Variants in MAML1 observed in about 807,000 individuals in gnomAD.
MAML1 encodes mastermind like transcriptional coactivator 1.
A neutral mutation model predicts 77.1 loss-of-function variants in MAML1; 14 were observed. The ratio of observed to expected loss-of-function variants is 0.18; its 90% CI spans 0.12 to 0.28. MAML1 has a LOEUF of 0.28. MAML1 is among the 10% of genes least tolerant of loss of function. The pLI is 1.00. For missense variants in MAML1, 1,217 were observed against 1,327.8 expected (o/e 0.92, Z 1.30); for synonymous variants, 516 against 551.9 (o/e 0.93, Z 0.91).
intron 1 of MAML1, among the ~76,000 whole-genome samples, chr5:179,752,733 A>T (rs937440970): frequency 6.8e-6 from 1 of 147,608 alleles, no homozygotes; most frequent in African/African-American, 2.5e-5. Context: ...CAGCCTCTGG[A>T]TATTACTCTT....
intron 1 of MAML1, among the ~76,000 whole-genome samples, chr5:179,757,923 G>A (rs1310262369): frequency 6.6e-6 from 1 of 152,068 alleles, no homozygotes; most frequent in African/African-American, 2.4e-5. Context: ...ACTTTCCATC[G>A]AAAAAGGTGA....
Position 179,776,581 on chromosome 5 carries a change from C to G in MAML1, c.*1704C>G. 1 of 985,608 alleles carries G rather than the reference C, an allele frequency of 1.0e-6. No individual in the cohort carries two copies. The allele number at this position is 985,608 out of a possible 1,614,324, so 61.1% of individuals were successfully genotyped here. On this transcript the variant is annotated 3_prime_UTR_variant, in exon 5 of 5. Transcript: ENST00000292599. ...ATCATAAAGCCAGTGAAAATTTCAC[C>G]CTCTGAGGGAGTTCCCCAATCTGAA...
chr5:179,775,934 A>C lies in MAML1; in HGVS notation c.*1057A>C, dbSNP rs751117462. 5.1e-4 allele frequency: 502 copies of C among 985,618 alleles called. No individual in the cohort carries two copies. Among genetic ancestry groups the C allele is most frequent in the Non-Finnish European group, 5.7e-4 (474 of 829,944 alleles). 61.1% of individuals were successfully genotyped at this position (985,618 alleles called of 1,614,324 possible). A position where few individuals can be genotyped will look rare whatever the true frequency, so the allele number is the denominator to read the frequency against. ...TAAAGGTTTTGGGGAAGGAGGCCGT[A>C]GGCCGGCCCGGAGGAAGCAATTCCA... On this transcript the variant is annotated 3_prime_UTR_variant, in exon 5 of 5. Transcript: ENST00000292599.
chr5:179,768,414 G>T (rs1473349196), intron 2 of MAML1, among the ~76,000 whole-genome samples: 1 of 152,202 alleles, frequency 6.6e-6, no homozygotes, highest in Non-Finnish European at 1.5e-5. Flanking sequence ...CCAAGATCGT[G>T]CCATTGCACT....
intron 1 of MAML1, among the ~76,000 whole-genome samples, chr5:179,747,743 G>A (rs1447404166): frequency 3.1e-5 from 4 of 130,066 alleles, no homozygotes; most frequent in African/African-American, 5.7e-5. Context: ...CCCGGGAGGC[G>A]GAGCCTGCAG....
chr5:179,740,192 C>G (rs1027470375), intron 1 of MAML1, among the ~76,000 whole-genome samples: 1 of 152,158 alleles, frequency 6.6e-6, no homozygotes, highest in African/African-American at 2.4e-5. Context: ...GAACAGAAAG[C>G]AGGCCAGTGT....
rs1413829401 is a variant in MAML1, at chr5:179,776,841, T to A, written c.*1964T>A. On this transcript the variant is annotated 3_prime_UTR_variant, in exon 5 of 5. Transcript: ENST00000292599. ...GATTCTTGGGGTCCCCCCAGGGAGCTGCCCATGGCTTTATTTATGAACCTG... is the reference window on the plus strand; with the variant it reads ...GATTCTTGGGGTCCCCCCAGGGAGCAGCCCATGGCTTTATTTATGAACCTG... 1.9e-5 allele frequency: 19 copies of A among 985,844 alleles called. No homozygotes were observed. In the South Asian group the frequency reaches 5.2e-4, roughly 27 times the overall value. The allele number at this position is 985,844 out of a possible 1,614,324, so 61.1% of individuals were successfully genotyped here. A position where few individuals can be genotyped will look rare whatever the true frequency, so the allele number is the denominator to read the frequency against.
At position 179,775,673 on chromosome 5, in the gene MAML1, T is replaced by C. The variant is rs922699254; in HGVS notation, c.*796T>C. ...CCAGGCTACATATGGAAGGTAGAGA[T>C]GTGGGGGTCCTGTATCCTGGAGTAT... On this transcript the variant is annotated 3_prime_UTR_variant, in exon 5 of 5. Transcript: ENST00000292599. The C allele has an allele frequency of 2.5e-5, 25 of 985,450 alleles. No homozygotes were observed. The highest frequency in any genetic ancestry group is 2.9e-5 in the Non-Finnish European group (24 of 829,942). 61.0% of individuals were successfully genotyped at this position (985,450 alleles called of 1,614,324 possible).
chr5:179,757,575 AAAG>A (rs1779646057), intron 1 of MAML1, among the ~76,000 whole-genome samples: 2 of 152,156 alleles, frequency 1.3e-5, no homozygotes, highest in African/African-American at 2.4e-5. Flanking sequence ...TCAAAAAAAA[AAAG>A]AAGTATAGCA....
Position 179,733,360 on chromosome 5 carries a change from C to A in MAML1, c.248C>A (p.Pro83Gln). ...AGGCAGCCGCCCGCCGCCACGGCCC[C>A]GGCGCCCGCCGCCCCGGCCCCGCGC... ...KHRQPPAATA[P>Q]APAAPAPRLD... is the part of the protein sequence containing the mutation. Residue 83 changes from proline (P) to glutamine (Q), a missense_variant, in exon 1 of 5, where the codon CCG becomes CAG. Physicochemically the swap from Pro to Gln is moderately conservative, Grantham distance 76 (BLOSUM62 -1). Around this residue, in one of 3 missense-constraint regions of MAML1, gnomAD observed 312 missense variants for 331.4 expected, o/e 0.94. Transcript: ENST00000292599. 1 of 1,238,914 alleles carries A rather than the reference C, an allele frequency of 8.1e-7. No individual in the cohort carries two copies. 76.7% of individuals were successfully genotyped at this position (1,238,914 alleles called of 1,614,324 possible).
rs1284988927 is a variant in MAML1 at position 179,773,959 on chromosome 5, G to A, written c.2133G>A (p.Val711=). ...CATCCAACTCCAGCTGTCCTCGAGT[G>A]TTCCCTCAGGCTGGGAATCTGATGC... ...LGPSNSSCPR[V]FPQAGNLMPM... is the part of the protein sequence containing the mutation. Residue 711 remains valine, a synonymous_variant, in exon 5 of 5, where the codon GTG becomes GTA. Coordinates refer to ENST00000292599, the MANE Select transcript of MAML1 (RefSeq NM_014757.5). 1.2e-6 allele frequency: 2 copies of A among 1,614,102 alleles called. No individual in the cohort carries two copies. The highest frequency in any genetic ancestry group is 1.7e-6 in the Non-Finnish European group (2 of 1,180,056).
At chr5:179,770,860 T>G (rs1486421244) in intron 3 of MAML1, 5 of 304,910 alleles carry the variant, frequency 1.6e-5, no homozygotes, top group Non-Finnish European at 2.6e-5. Context: ...CATCTGACTT[T>G]GATTCTGGCC....
rs987640845 is a variant in MAML1, at chr5:179,771,351, G to T, written c.2068+108G>T. On this transcript the variant is annotated intron_variant, in intron 4 of 4. Coordinates refer to ENST00000292599, the MANE Select transcript of MAML1 (RefSeq NM_014757.5). This position sits in a 1 kb window ranked among gnomAD's most constrained non-coding sequence, Gnocchi z 4.7. ...ATGCCTTGACTTCATCAGGCTGCAT[G>T]CATTGTCATCATATACACCTCAGTT... 5.3e-6 allele frequency: 5 copies of T among 944,854 alleles called. No homozygotes were observed. Among genetic ancestry groups the T allele is most frequent in the Non-Finnish European group, 8.4e-6 (5 of 595,948 alleles). 58.5% of individuals were successfully genotyped at this position (944,854 alleles called of 1,614,324 possible). A position where few individuals can be genotyped will look rare whatever the true frequency, so the allele number is the denominator to read the frequency against.
Position 179,765,632 on chromosome 5 carries a change from T to C in MAML1, c.622T>C (p.Phe208Leu). The change falls in exon 2 of 5, where the codon TTT becomes CTT. Residue 208 changes from phenylalanine to leucine, a missense_variant. By Grantham distance (22) the Phe-to-Leu change is conservative (BLOSUM62 0). Coordinates refer to ENST00000292599, the MANE Select transcript of MAML1 (RefSeq NM_014757.5). ...TGGAGGCAGTAACCCCAGTGAGTCATTTCCTCTGAGCCTGAATAAAGAACT... is the reference window on the plus strand; with the variant it reads ...TGGAGGCAGTAACCCCAGTGAGTCACTTCCTCTGAGCCTGAATAAAGAACT... ...LNGGSNPSES[F>L]PLSLNKELKQ... 1 of 1,614,180 alleles carries C rather than the reference T, an allele frequency of 6.2e-7. No homozygotes were observed. Among genetic ancestry groups the C allele is most frequent in the Non-Finnish European group, 8.5e-7 (1 of 1,180,034 alleles).
At chr5:179,755,625 C>T (rs1383362229) in intron 1 of MAML1, among the ~76,000 whole-genome samples, 2 of 151,696 alleles carry the variant, frequency 1.3e-5, no homozygotes, top group African/African-American at 2.4e-5. Flanking sequence ...GTCCAGCCTG[C>T]GGCCGAGATG....
rs749845428 is a variant in MAML1, at chr5:179,774,151, C to T, written c.2325C>T (p.Thr775=). The change falls in exon 5 of 5, where the codon ACC becomes ACT. Residue 775 remains threonine, a synonymous_variant. Coordinates refer to ENST00000292599, the MANE Select transcript of MAML1 (RefSeq NM_014757.5). ...QIVAQPPPQA[T]NGHAHIPRQT... is the part of the protein sequence containing the mutation. ...TTGCCCAGCCCCCGCCACAGGCCAC[C>T]AATGGACATGCCCACATTCCACGGC... 4.8e-5 allele frequency: 77 copies of T among 1,613,650 alleles called. 2 individuals carry two copies. In the South Asian group the frequency reaches 7.9e-4, roughly 17 times the overall value.
At position 179,756,434 on chromosome 5, in the gene MAML1, CA is replaced by C. The variant is rs562720688; in HGVS notation, c.316-8875del. ...CGACAGACAGAGCGGGACTCTGTCT[CA>C]AAAAAAAAAAAAAAAATTAGGCGGT... On this transcript the variant is annotated intron_variant, in intron 1 of 4. Transcript: ENST00000292599. Among the ~76,000 whole-genome samples the C allele has an allele frequency of 3.0e-3, 319 of 108,112 alleles. 1 individual carries two copies. The highest frequency in any genetic ancestry group is 5.7e-3 in the African/African-American group (145 of 25,476). 70.9% of individuals were successfully genotyped at this position (108,112 alleles called of 152,430 possible).
intron 1 of MAML1, among the ~76,000 whole-genome samples, chr5:179,740,194 G>T (rs1779254244): frequency 6.6e-6 from 1 of 152,174 alleles, no homozygotes; most frequent in Non-Finnish European, 1.5e-5. Context: ...ACAGAAAGCA[G>T]GCCAGTGTGT....
chr5:179,768,864 C>A lies in MAML1; in HGVS notation c.1746C>A (p.Ser582=). The change falls in exon 3 of 5, where the codon TCC becomes TCA. Residue 582 remains serine, a synonymous_variant. Transcript: ENST00000292599. The part of the protein sequence containing the change: ...LVPPGQEQNP[S]SVPVQAQATS... ...TGTGTTGACAGGAGCAGAACCCTTC[C>A]AGTGTCCCTGTGCAAGCCCAGGCTA... 6.2e-7 allele frequency: 1 copy of A among 1,614,184 alleles called. No homozygotes were observed.
Sources: allele counts gnomAD v4.1 joint callset (sites outside exome capture counted in the v4.1 genomes callset), GRCh38; gene constraint gnomAD v4.1.1; regional missense constraint gnomAD v4.1.1; non-coding constraint Gnocchi (gnomAD v3.1); transcripts MANE v1.5; gene names NCBI Gene and HGNC (gene_info 2026-07-23, HGNC 2026-07-21).